MYO16: variants seen among roughly 807,000 people sequenced by gnomAD.
MYO16 encodes the protein myosin XVI.
A neutral mutation model predicts 205.3 loss-of-function variants in MYO16; 94 were observed. That is an observed-to-expected ratio of 0.46 (90% CI 0.39 to 0.54). The LOEUF is 0.54. MYO16 is among the 20% of genes least tolerant of loss of function. MYO16 has a pLI of 0.00. For missense variants in MYO16, 2,315 were observed against 2,387.5 expected (o/e 0.97, Z 0.63); for synonymous variants, 988 against 954.0 (o/e 1.04, Z -0.66).
intron 27 of MYO16, among the ~76,000 whole-genome samples, chr13:109,072,065 G>A (rs530772526): frequency 1.1e-4 from 17 of 152,276 alleles, no homozygotes; most frequent in African/African-American, 3.9e-4. Context: ...TCACCAGTGT[G>A]CTGGGTGTTG....
At chr13:108,771,366 GTTCACAGCAAAATTTGAGAGAAAT>G (rs1885958787) in intron 4 of MYO16, among the ~76,000 whole-genome samples, 1 of 151,984 alleles carries the variant, frequency 6.6e-6, no homozygotes, top group Admixed American at 6.6e-5. Context: ...GCAGTTTTAG[GTTCACAGCAAAATTTGAGAGAAAT>G]TTCACACGTG....
intron 1 of MYO16, among the ~76,000 whole-genome samples, chr13:108,652,161 G>GCA (rs1296104198): frequency 6.6e-6 from 1 of 151,176 alleles, no homozygotes; most frequent in Non-Finnish European, 1.5e-5. Context: ...GTGTGCGCGC[G>GCA]CGCGCATGTG....
chr13:108,575,694 G>A, the MYO16 span, among the ~76,000 whole-genome samples: 1 of 151,970 alleles, frequency 6.6e-6, no homozygotes, highest in Non-Finnish European at 1.5e-5. Context: ...TTTCACTTTG[G>A]TTACAAATGT....
At chr13:108,573,855 A>G in the MYO16 span, among the ~76,000 whole-genome samples, 1 of 152,018 alleles carries the variant, frequency 6.6e-6, no homozygotes. Flanking sequence ...TTTCTTGTTT[A>G]TTTATTTATG....
chr13:109,147,058 C>T (rs1877371630), intron 32 of MYO16, among the ~76,000 whole-genome samples: 1 of 151,970 alleles, frequency 6.6e-6, no homozygotes, highest in South Asian at 2.1e-4. Flanking sequence ...ATTCTCGAAG[C>T]CAGGGCGTCA....
At chr13:108,902,539 C>T (rs1022163020) in intron 15 of MYO16, among the ~76,000 whole-genome samples, 13 of 152,212 alleles carry the variant, frequency 8.5e-5, no homozygotes, top group Non-Finnish European at 1.5e-4. Context: ...AATTGTCTCA[C>T]AGTTCTGGAG....
At chr13:108,607,092 T>G (rs1165405496) in intron 1 of MYO16, among the ~76,000 whole-genome samples, 1 of 152,198 alleles carries the variant, frequency 6.6e-6, no homozygotes, top group African/African-American at 2.4e-5. Flanking sequence ...ATCCCCATGG[T>G]ATCTAGGAAG....
At chr13:108,884,861 G>C (rs1441534227) in intron 13 of MYO16, among the ~76,000 whole-genome samples, 2 of 151,166 alleles carry the variant, frequency 1.3e-5, no homozygotes, top group African/African-American at 2.4e-5. Flanking sequence ...GGATGAGAAA[G>C]GCTCTGAGAC....
At chr13:109,195,655 A>C (rs1329210289) in intron 34 of MYO16, among the ~76,000 whole-genome samples, 1 of 152,152 alleles carries the variant, frequency 6.6e-6, no homozygotes, top group Non-Finnish European at 1.5e-5. Flanking sequence ...CCTTCTTTTA[A>C]TTTCCATAAA....
At chr13:109,040,063 A>T (rs568883667) in intron 23 of MYO16, among the ~76,000 whole-genome samples, 1 of 152,214 alleles carries the variant, frequency 6.6e-6, no homozygotes, top group South Asian at 2.1e-4. Context: ...TCACACATAA[A>T]TTCTATGACT....
At chr13:108,973,543 A>G (rs1396998605) in intron 20 of MYO16, among the ~76,000 whole-genome samples, 2 of 152,068 alleles carry the variant, frequency 1.3e-5, no homozygotes, top group African/African-American at 4.8e-5. Context: ...TTTCATCAGC[A>G]CATTCACAAC....
At chr13:108,875,923 C>G (rs1333679717) in intron 12 of MYO16, among the ~76,000 whole-genome samples, 2 of 152,134 alleles carry the variant, frequency 1.3e-5, no homozygotes, top group East Asian at 3.9e-4. Flanking sequence ...CATGTACACA[C>G]AGATGGATGC....
At chr13:108,735,303 T>A (rs1224874707) in intron 4 of MYO16, among the ~76,000 whole-genome samples, 1 of 115,872 alleles carries the variant, frequency 8.6e-6, no homozygotes, top group Admixed American at 1.3e-4. Context: ...GATGTTCCCC[T>A]TCCTGTGTCC....
intron 4 of MYO16, among the ~76,000 whole-genome samples, chr13:108,784,410 T>C (rs547199346): frequency 6.6e-6 from 1 of 152,182 alleles, no homozygotes; most frequent in African/African-American, 2.4e-5. Context: ...TATAGCATAG[T>C]ACACTCAATA....
At chr13:108,798,238 T>G (rs57350258) in intron 6 of MYO16, among the ~76,000 whole-genome samples, 61,415 of 151,572 alleles carry the variant, frequency 0.41, 12,562 homozygotes, top group Middle Eastern at 0.49. Context: ...AGAAGACAGT[T>G]TTGTTCAGAT....
Position 109,142,398 on chromosome 13 carries a change from C to T in MYO16, c.5164+1022C>T, listed in dbSNP as rs951687948. Among the ~76,000 whole-genome samples the T allele has an allele frequency of 1.6e-4, 24 of 151,570 alleles. 1 individual carries two copies. The highest frequency in any genetic ancestry group is 5.4e-4 in the African/African-American group (22 of 40,860). ...TGATGGCACTGGATCCCCCACTCGCCTCCAGGTGAGGCAGGAGGATAGGGT... is the reference window on the plus strand; with the variant it reads ...TGATGGCACTGGATCCCCCACTCGCTTCCAGGTGAGGCAGGAGGATAGGGT... On this transcript the variant is annotated intron_variant, in intron 32 of 34. Coordinates refer to ENST00000457511, the MANE Select transcript of MYO16 (RefSeq NM_001198950.3).
In MYO16 at chr13:108,721,737, A is replaced by C. The variant is rs115975204; in HGVS notation, c.364-5703A>C. Among the ~76,000 whole-genome samples, 288 of 151,946 alleles carry C rather than the reference A, an allele frequency of 1.9e-3. 3 individuals carry two copies. The highest frequency in any genetic ancestry group is 6.7e-3 in the African/African-American group (277 of 41,424). ...GCTCAGAAGATATCCAAGCTTTTTT[A>C]GTGCTCTGTGGAAGAATAAGTTTCC... On this transcript the variant is annotated intron_variant, in intron 3 of 34. Transcript: ENST00000457511.
intron 5 of MYO16, among the ~76,000 whole-genome samples, chr13:108,788,431 T>A (rs1269742743): frequency 6.6e-6 from 1 of 152,032 alleles, no homozygotes; most frequent in African/African-American, 2.4e-5. Flanking sequence ...GATTAGAAAG[T>A]GAGCCAGCAT....
intron 3 of MYO16, among the ~76,000 whole-genome samples, chr13:108,724,354 T>C (rs112753740): frequency 0.025 from 3,878 of 152,290 alleles, 64 homozygotes; most frequent in Non-Finnish European, 0.041. Context: ...AGGGAAGTGG[T>C]AAAAGTGAAC....
Sources: gnomAD v4.1 joint callset for allele counts (sites outside exome capture counted in the v4.1 genomes callset) on GRCh38, gnomAD v4.1.1 for gene constraint, MANE v1.5 for transcripts, NCBI Gene and HGNC (gene_info 2026-07-23, HGNC 2026-07-21) for gene names.